CREB5: variants seen among roughly 807,000 people sequenced by gnomAD.
CREB5 encodes the protein cAMP responsive element binding protein 5, also known as cyclic AMP-responsive element-binding protein 5.
In CREB5, 19 loss-of-function variants were observed where a neutral mutation model predicts 57.1. The ratio of observed to expected loss-of-function variants is 0.33; its 90% CI spans 0.23 to 0.49. The LOEUF (loss-of-function observed/expected upper bound fraction) is 0.49. Among genes scored for constraint, CREB5 ranks in the 20% least tolerant of loss-of-function variants. The probability of loss-of-function intolerance (pLI) is 0.99; values close to 1 mark genes in which losing one functional copy is unlikely to be tolerated. For missense variants in CREB5, 579 were observed against 671.6 expected (o/e 0.86, Z 1.52); for synonymous variants, 238 against 238.3 (o/e 1.00, Z 0.01).
intron 7 of CREB5, among the ~76,000 whole-genome samples, chr7:28,773,308 A>C (rs1187078158): frequency 1.3e-5 from 2 of 152,204 alleles, no homozygotes; most frequent in Non-Finnish European, 2.9e-5. Flanking sequence ...CTTAATTAGG[A>C]AAGTAAAATA....
At chr7:28,451,742 G>T (rs1789824561) in intron 1 of CREB5, among the ~76,000 whole-genome samples, 1 of 152,054 alleles carries the variant, frequency 6.6e-6, no homozygotes, top group Non-Finnish European at 1.5e-5. Context: ...GGGTACCATT[G>T]TCTAGAGAGT....
At chr7:28,731,707 A>C (rs1185701679) in intron 7 of CREB5, among the ~76,000 whole-genome samples, 2 of 152,194 alleles carry the variant, frequency 1.3e-5, no homozygotes, top group Non-Finnish European at 2.9e-5. Flanking sequence ...TGACCTTTCT[A>C]AGGTGATAGC....
At chr7:28,313,505 A>G (rs1333876863) in intron 1 of CREB5, among the ~76,000 whole-genome samples, 1 of 152,200 alleles carries the variant, frequency 6.6e-6, no homozygotes, top group Non-Finnish European at 1.5e-5. Flanking sequence ...GTCTGATACT[A>G]TGGCAAAAAC....
chr7:28,353,154 A>T (rs1436111828), intron 1 of CREB5, among the ~76,000 whole-genome samples: 2 of 151,934 alleles, frequency 1.3e-5, no homozygotes, highest in African/African-American at 4.8e-5. Flanking sequence ...TAATGACGCA[A>T]TCTTGGCTTA....
chr7:28,814,595 T>C (rs1809314046), intron 9 of CREB5, among the ~76,000 whole-genome samples: 1 of 152,214 alleles, frequency 6.6e-6, no homozygotes, highest in Admixed American at 6.5e-5. Context: ...CAAGATGGAC[T>C]CTTTCATTGG....
chr7:28,751,840 A>G (rs977092789), intron 7 of CREB5, among the ~76,000 whole-genome samples: 2 of 151,906 alleles, frequency 1.3e-5, no homozygotes, highest in East Asian at 3.9e-4. Context: ...GCCACATTGC[A>G]TTTGTTTTTA....
chr7:28,532,647 C>G (rs575294515), intron 4 of CREB5, among the ~76,000 whole-genome samples: 1 of 152,074 alleles, frequency 6.6e-6, no homozygotes, highest in African/African-American at 2.4e-5. Flanking sequence ...AAGGAACTAA[C>G]AAAGTAATTG....
intron 5 of CREB5, among the ~76,000 whole-genome samples, chr7:28,625,247 A>G (rs1260107514): frequency 1.3e-5 from 2 of 152,176 alleles, no homozygotes; most frequent in Non-Finnish European, 2.9e-5. Flanking sequence ...ACTCCATCAG[A>G]CAGCTTTATC....
intron 5 of CREB5, among the ~76,000 whole-genome samples, chr7:28,590,290 A>C (rs1285287782): frequency 6.6e-6 from 1 of 152,120 alleles, no homozygotes; most frequent in Admixed American, 6.5e-5. Flanking sequence ...AATGTCCAAC[A>C]ATCATAGACT....
intron 7 of CREB5, among the ~76,000 whole-genome samples, chr7:28,758,454 G>A (rs1356739474): frequency 3.3e-5 from 5 of 152,186 alleles, no homozygotes; most frequent in Non-Finnish European, 7.3e-5. Flanking sequence ...GGGCTGGTAT[G>A]TGAATAGAGG....
intron 7 of CREB5, among the ~76,000 whole-genome samples, chr7:28,794,079 T>C (rs1371937140): frequency 1.3e-5 from 2 of 152,208 alleles, no homozygotes; most frequent in Non-Finnish European, 2.9e-5. Flanking sequence ...TTTTCCATGG[T>C]GGGTTATAAA....
chr7:28,492,319 C>T (rs1251468646), intron 2 of CREB5, among the ~76,000 whole-genome samples: 4 of 152,176 alleles, frequency 2.6e-5, no homozygotes, highest in South Asian at 2.1e-4. Context: ...TTTATGTTAC[C>T]GTTTCTTCGA....
chr7:28,401,561 C>T (rs1277039465), intron 1 of CREB5, among the ~76,000 whole-genome samples: 1 of 152,118 alleles, frequency 6.6e-6, no homozygotes, highest in Non-Finnish European at 1.5e-5. Flanking sequence ...TATCCCTCTC[C>T]CCTTTCCCCA....
intron 4 of CREB5, among the ~76,000 whole-genome samples, chr7:28,514,486 C>T (rs185904828): frequency 0.021 from 3,223 of 152,286 alleles, 106 homozygotes; most frequent in African/African-American, 0.074. Context: ...AGCTCCGCCT[C>T]CCGGGTTCAC....
intron 7 of CREB5, among the ~76,000 whole-genome samples, chr7:28,774,824 A>T (rs1806530215): frequency 6.6e-6 from 1 of 152,234 alleles, no homozygotes; most frequent in African/African-American, 2.4e-5. Flanking sequence ...AGATGAAATT[A>T]TGGGTGTAAC....
rs377303718 is a variant in CREB5 at position 28,399,737 on chromosome 7, A to G, written c.-24-95169A>G. On this transcript the variant is annotated intron_variant, in intron 1 of 9. Coordinates refer to the CREB5 transcript ENST00000396299. ...TGAGATCAGCCTGGGCAACATAGCA[A>G]GACCTTGTCTCTACTAAACATAAAA... is the stretch of plus-strand genomic sequence containing the variant. Among the ~76,000 whole-genome samples the G allele has an allele frequency of 1.8e-4, 27 of 152,264 alleles. No individual in the cohort carries two copies. The South Asian group carries it at 5.4e-3, about 30-fold the overall frequency.
At position 28,668,554 on chromosome 7, in the gene CREB5, AAATACTGATTTAATCTTT is replaced by A. The variant is rs572421768; in HGVS notation, c.465-50194_465-50177del. On this transcript the variant is annotated intron_variant, in intron 5 of 10. Coordinates refer to ENST00000357727, the MANE Select transcript of CREB5 (RefSeq NM_182898.4). ...CCTGTAAAGTTTATGTTACAACAAA[AAATACTGATTTAATCTTT>A]AATATAGTAAGGAAGGGAGAAGGAA... Among the ~76,000 whole-genome samples the A allele has an allele frequency of 7.1e-4, 108 of 152,334 alleles. 1 individual carries two copies. In the South Asian group the frequency reaches 7.5e-3, roughly 11 times the overall value.
At chr7:28,430,809 A>G (rs143447981) in intron 1 of CREB5, among the ~76,000 whole-genome samples, 41 of 152,306 alleles carry the variant, frequency 2.7e-4, no homozygotes, top group African/African-American at 5.8e-4. Context: ...TCTGTGGGTC[A>G]GGAATCTGGA....
chr7:28,765,323 C>G lies in CREB5; in HGVS notation c.703-38876C>G, dbSNP rs538951654. ...GTCAGAAACATAAGAGTCTGTACTTCCTAAGTGTTTTACCCTTGTACAAAT... is the reference window on the plus strand; with the variant it reads ...GTCAGAAACATAAGAGTCTGTACTTGCTAAGTGTTTTACCCTTGTACAAAT... On this transcript the variant is annotated intron_variant, in intron 7 of 10. Transcript: ENST00000357727. Among the ~76,000 whole-genome samples, 9 of 152,292 alleles carry G rather than the reference C, an allele frequency of 5.9e-5. 1 individual carries two copies. In the South Asian group the frequency reaches 1.9e-3, roughly 32 times the overall value.
Sources: gnomAD v4.1 joint callset for allele counts (sites outside exome capture counted in the v4.1 genomes callset) on GRCh38, gnomAD v4.1.1 for gene constraint, MANE v1.5 for transcripts, NCBI Gene and HGNC (gene_info 2026-07-23, HGNC 2026-07-21) for gene names.